WIPF2: variants seen among roughly 807,000 people sequenced by gnomAD.
WIPF2 encodes the protein WAS/WASL-interacting protein family member 2.
WIPF2 carries 23 observed loss-of-function variants against 38.8 expected under a neutral mutation model. The observed-to-expected ratio is 0.59, with a 90% CI of 0.43 to 0.84. WIPF2 has a LOEUF of 0.84. Ranked by LOEUF, WIPF2 falls within the 40% of genes least tolerant of loss-of-function variation. The pLI is 0.00. For synonymous variants in WIPF2, 210 were observed against 223.2 expected (o/e 0.94, Z 0.53); for missense variants, 574 against 580.5 (o/e 0.99, Z 0.11).
rs776770272 is a variant in WIPF2 at position 40,262,548 on chromosome 17, T to C, written c.220T>C (p.Tyr74His). ...AGAGCCGAAAGGAAGCAGTGGTGGCTATGGCTCTGGAGGAGCTGCCCTGCA... is the reference window on the plus strand; with the variant it reads ...AGAGCCGAAAGGAAGCAGTGGTGGCCATGGCTCTGGAGGAGCTGCCCTGCA... ...LEKPKGSSGGYGSGGAALQPK... is the reference protein window; with the variant it reads ...LEKPKGSSGGHGSGGAALQPK... Residue 74 changes from tyrosine to histidine, a missense_variant, in exon 4 of 8, where the codon TAT becomes CAT. Transcript: ENST00000323571. 6.2e-7 allele frequency: 1 copy of C among 1,614,026 alleles called. No homozygotes were observed. Among genetic ancestry groups the C allele is most frequent in the East Asian group, 2.2e-5 (1 of 44,886 alleles).
intron 1 of WIPF2, among the ~76,000 whole-genome samples, chr17:40,237,267 G>A (rs1315009184): frequency 5.2e-5 from 7 of 134,842 alleles, no homozygotes; most frequent in African/African-American, 1.9e-4. Flanking sequence ...TTGAGACAGA[G>A]TCTCACTTTG....
intron 1 of WIPF2, among the ~76,000 whole-genome samples, chr17:40,255,628 A>ATT (rs1174598826): frequency 1.3e-4 from 17 of 129,376 alleles, no homozygotes; most frequent in Non-Finnish European, 1.7e-4. Flanking sequence ...CCCGGCCTAA[A>ATT]TTTTTTTTTT....
chr17:40,274,078 A>G lies in WIPF2; in HGVS notation c.1180+79A>G, dbSNP rs1218327846. On this transcript the variant is annotated intron_variant, in intron 6 of 7. Coordinates refer to ENST00000323571, the MANE Select transcript of WIPF2 (RefSeq NM_133264.5). ...CCAGTGCCATGGCTGCTAGATGGCC[A>G]CCATAGAGTGGGAATGGCCACATGG... 6.5e-6 allele frequency: 8 copies of G among 1,233,752 alleles called. No individual in the cohort carries two copies. The Admixed American group carries it at 1.3e-4, about 20-fold the overall frequency. 76.4% of individuals were successfully genotyped at this position (1,233,752 alleles called of 1,614,324 possible). A position where few individuals can be genotyped will look rare whatever the true frequency, so the allele number is the denominator to read the frequency against.
At chr17:40,256,619 A>C in intron 2 of WIPF2, 97 bp downstream of exon 2, 1 of 1,450,304 alleles carries the variant, frequency 6.9e-7, no homozygotes, top group Non-Finnish European at 9.1e-7. Context: ...TTTTGGTTAA[A>C]ATTTCTAGAT....
intron 5 of WIPF2, among the ~76,000 whole-genome samples, chr17:40,268,099 A>G (rs1440490004): frequency 1.3e-5 from 2 of 152,184 alleles, no homozygotes; most frequent in African/African-American, 4.8e-5. Context: ...AGTGAGCTGT[A>G]TTAGTGCCAC....
chr17:40,247,480 A>G (rs967964690), intron 1 of WIPF2, among the ~76,000 whole-genome samples: 1 of 150,410 alleles, frequency 6.6e-6, no homozygotes, highest in Non-Finnish European at 1.5e-5. Flanking sequence ...CGGCCTCCCA[A>G]AGTGCTGGGA....
intron 1 of WIPF2, among the ~76,000 whole-genome samples, chr17:40,236,085 C>T (rs1471692713): frequency 6.6e-6 from 1 of 151,554 alleles, no homozygotes; most frequent in Non-Finnish European, 1.5e-5. Flanking sequence ...CAGCACCGCC[C>T]CGAGTTGCTG....
At chr17:40,266,273 C>T (rs1026515171) in intron 5 of WIPF2, among the ~76,000 whole-genome samples, 9 of 151,392 alleles carry the variant, frequency 5.9e-5, no homozygotes, top group Non-Finnish European at 1.0e-4. Context: ...GCTGAGCCCT[C>T]GCCCTCCTAC....
intron 2 of WIPF2, among the ~76,000 whole-genome samples, chr17:40,256,887 C>T (rs1327593534): frequency 1.3e-5 from 2 of 152,048 alleles, no homozygotes; most frequent in African/African-American, 2.4e-5. Context: ...GGACAGGTGG[C>T]GTTGGAGTTG....
Position 40,280,653 on chromosome 17 carries a change from T to G in WIPF2, c.*2428T>G, listed in dbSNP as rs77209260. 1.4e-5 allele frequency: 2 copies of G among 142,486 alleles called. No individual in the cohort carries two copies. The highest frequency in any genetic ancestry group is 5.1e-5 in the African/African-American group (2 of 38,978). 8.8% of individuals were successfully genotyped at this position (142,486 alleles called of 1,614,324 possible). A position where few individuals can be genotyped will look rare whatever the true frequency, so the allele number is the denominator to read the frequency against. On this transcript the variant is annotated 3_prime_UTR_variant, in exon 8 of 8. Coordinates refer to ENST00000323571, the MANE Select transcript of WIPF2 (RefSeq NM_133264.5). ...ATGCCTTTTGTACGTTATCAAAGTGTTTTTTTTTTTTTCCTCCTTTACTCA... is the reference window on the plus strand; with the variant it reads ...ATGCCTTTTGTACGTTATCAAAGTGGTTTTTTTTTTTTCCTCCTTTACTCA...
chr17:40,273,536 A>T (rs1020454281), intron 5 of WIPF2: 1 of 468,250 alleles, frequency 2.1e-6, no homozygotes, highest in African/African-American at 2.0e-5. Context: ...GGAGGAAGGC[A>T]TGGAAAAGCA....
intron 5 of WIPF2, among the ~76,000 whole-genome samples, chr17:40,271,800 A>C (rs895638573): frequency 2.6e-5 from 4 of 152,222 alleles, no homozygotes; most frequent in Non-Finnish European, 4.4e-5. Context: ...CCTGGAACAT[A>C]ATAGATACCC....
At chr17:40,231,939 T>C (rs8066144) in intron 1 of WIPF2, among the ~76,000 whole-genome samples, 13,349 of 122,402 alleles carry the variant, frequency 0.11, 2,046 homozygotes, top group African/African-American at 0.35. Flanking sequence ...TTCTTTCTTT[T>C]TTTTTTTTTT....
In WIPF2 at chr17:40,219,377, C is replaced by CGGT; in HGVS notation, c.-183_-182insTGG. ...TTGGCAAAAGGGGCGGTGGCGGCGG[C>CGGT]GGCGGCGGCGGCGGCGGCGGCGACG... On this transcript the variant is annotated 5_prime_UTR_variant, in exon 1 of 8. Coordinates refer to ENST00000323571, the MANE Select transcript of WIPF2 (RefSeq NM_133264.5). 2 of 401,136 alleles carry CGGT rather than the reference C, an allele frequency of 5.0e-6. No homozygotes were observed. The highest frequency in any genetic ancestry group is 2.5e-5 in the African/African-American group (1 of 40,386). 24.8% of individuals were successfully genotyped at this position (401,136 alleles called of 1,614,324 possible). A position where few individuals can be genotyped will look rare whatever the true frequency, so the allele number is the denominator to read the frequency against.
chr17:40,235,451 G>C (rs751712236), intron 1 of WIPF2, among the ~76,000 whole-genome samples: 7 of 151,672 alleles, frequency 4.6e-5, no homozygotes, highest in African/African-American at 1.7e-4. Flanking sequence ...CTTGTTTTAC[G>C]GAAAGTCACT....
intron 1 of WIPF2, among the ~76,000 whole-genome samples, chr17:40,252,769 GTTTT>G (rs1192585223): frequency 6.9e-6 from 1 of 145,042 alleles, no homozygotes; most frequent in Non-Finnish European, 1.5e-5. Flanking sequence ...GGTTTGTTTG[GTTTT>G]TTTTTTTGAG....
chr17:40,230,956 G>A (rs1165883892), intron 1 of WIPF2, among the ~76,000 whole-genome samples: 2 of 152,138 alleles, frequency 1.3e-5, no homozygotes, highest in African/African-American at 4.8e-5. Context: ...ATATGAAAGT[G>A]TTTTTATCTG....
At position 40,283,153 on chromosome 17, in the gene WIPF2, T is replaced by TAAAAAAAAAAAAAA. The variant is rs71152662; in HGVS notation, c.*4954_*4967dup. 3 of 17,360 alleles carry TAAAAAAAAAAAAAA rather than the reference T, an allele frequency of 1.7e-4. 1 individual carries two copies. The highest frequency in any genetic ancestry group is 1.0e-4 in the Non-Finnish European group (1 of 9,576). The allele number at this position is 17,360 out of a possible 1,614,324, so 1.1% of individuals were successfully genotyped here. A position where few individuals can be genotyped will look rare whatever the true frequency, so the allele number is the denominator to read the frequency against. On this transcript the variant is annotated 3_prime_UTR_variant, in exon 8 of 8. Transcript: ENST00000323571. The stretch of plus-strand genomic sequence containing the variant: ...CTGAGCTGAGATCATGCCACTGCAC[T>TAAAAAAAAAAAAAA]AAAAAAAAAAAAAAAAAAAAAAAAA...
intron 1 of WIPF2, among the ~76,000 whole-genome samples, chr17:40,251,219 G>A (rs1237820031): frequency 1.3e-5 from 2 of 152,060 alleles, no homozygotes; most frequent in Non-Finnish European, 2.9e-5. Flanking sequence ...CAGCCTATTA[G>A]ATTCTTAGTA....
Sources: allele counts gnomAD v4.1 joint callset (sites outside exome capture counted in the v4.1 genomes callset), GRCh38; gene constraint gnomAD v4.1.1; transcripts MANE v1.5; gene names NCBI Gene and HGNC (gene_info 2026-07-23, HGNC 2026-07-21).